Variants in MAPK8IP3 observed in about 807,000 individuals in gnomAD.
MAPK8IP3 encodes the protein C-Jun-amino-terminal kinase-interacting protein 3.
In MAPK8IP3, 49 loss-of-function variants were observed where a neutral mutation model predicts 157.8. That is an observed-to-expected ratio of 0.31 (90% confidence interval 0.25 to 0.39). MAPK8IP3 has a LOEUF of 0.39. MAPK8IP3 is among the 10% of genes least tolerant of loss of function. The pLI, the probability that MAPK8IP3 is intolerant of heterozygous loss-of-function variation, is 1.00. For missense variants in MAPK8IP3, 1,478 were observed against 1,889.4 expected (o/e 0.78, Z 4.04); for synonymous variants, 897 against 777.7 (o/e 1.15, Z -2.55).
In MAPK8IP3 at chr16:1,764,223, G is replaced by A. The variant is rs1196224762; in HGVS notation, c.2121+13G>A. On this transcript the variant is annotated intron_variant, in intron 18 of 31. Coordinates refer to ENST00000610761, the MANE Select transcript of MAPK8IP3 (RefSeq NM_001318852.2). Reference sequence around the variant, plus strand: ...CCCCACCATGAAGGTGAGCCCGCGAGGACCCCGCTCAGGCTGGCTGGGCGA... The same window carrying A: ...CCCCACCATGAAGGTGAGCCCGCGAAGACCCCGCTCAGGCTGGCTGGGCGA... 3 of 1,608,476 alleles carry A rather than the reference G, an allele frequency of 1.9e-6. No individual in the cohort carries two copies. The highest frequency in any genetic ancestry group is 1.7e-5 in the Admixed American group (1 of 59,824).
At chr16:1,713,808 G>A (rs1184392906) in intron 1 of MAPK8IP3, 3 of 152,148 alleles carry the variant, frequency 2.0e-5, no homozygotes, top group African/African-American at 7.2e-5. Flanking sequence ...CAATTTTATT[G>A]CAGTATCATT....
At position 1,706,693 on chromosome 16, in the gene MAPK8IP3, C is replaced by G. The variant is rs1162100075; in HGVS notation, c.318+36C>G. 1 of 1,506,048 alleles carries G rather than the reference C, an allele frequency of 6.6e-7. No homozygotes were observed. The highest frequency in any genetic ancestry group is 8.9e-7 in the Non-Finnish European group (1 of 1,128,352). The allele number at this position is 1,506,048 out of a possible 1,614,324, so 93.3% of individuals were successfully genotyped here. A position where few individuals can be genotyped will look rare whatever the true frequency, so the allele number is the denominator to read the frequency against. On this transcript the variant is annotated intron_variant, in intron 1 of 31. Transcript: ENST00000610761. This position sits in a 1 kb window ranked among gnomAD's most constrained non-coding sequence, Gnocchi z 5.1. ...CGCGGGACCCGCCCGCATCCCCGTC[C>G]CGGACCCCCAGCCAGCCCCGGGCCC...
intron 4 of MAPK8IP3, among the ~76,000 whole-genome samples, chr16:1,736,843 ACCGT>A (rs1422598634): frequency 2.0e-4 from 10 of 49,812 alleles, no homozygotes; most frequent in South Asian, 1.3e-3. Flanking sequence ...TGAGCGTGTG[ACCGT>A]CCGTGTGTGA....
chr16:1,737,854 C>A (rs1360006537), intron 4 of MAPK8IP3, among the ~76,000 whole-genome samples: 1 of 86,016 alleles, frequency 1.2e-5, no homozygotes, highest in Non-Finnish European at 2.2e-5. Flanking sequence ...GTGTGACCAT[C>A]CATGTGAGCA....
Position 1,761,253 on chromosome 16 carries a change from G to A in MAPK8IP3, c.1487G>A (p.Arg496His), listed in dbSNP as rs571236936. The A allele has an allele frequency of 1.9e-6, 3 of 1,613,796 alleles. No homozygotes were observed. The highest frequency in any genetic ancestry group is 2.2e-5 in the South Asian group (2 of 91,088). The change falls in exon 13 of 32, where the codon CGT (arginine) becomes CAT (histidine). Residue 496 changes from arginine (R) to histidine (H), a missense_variant. Arg to His is a conservative substitution (Grantham distance 29). Coordinates refer to ENST00000610761, the MANE Select transcript of MAPK8IP3 (RefSeq NM_001318852.2). ...AAGTCCGAGGCCATCATCGCCCGCC[G>A]TGAACCCAAAGAAGAGGCGGAGGAT... ...RVKSEAIIAR[R>H]EPKEEAEDVS...
At chr16:1,753,377 C>T (rs1416799280) in intron 8 of MAPK8IP3, among the ~76,000 whole-genome samples, 1 of 152,118 alleles carries the variant, frequency 6.6e-6, no homozygotes. Flanking sequence ...ACTTTGGCCT[C>T]CCAAATCACA....
chr16:1,732,766 G>A (rs531724174), intron 4 of MAPK8IP3, among the ~76,000 whole-genome samples: 13 of 151,874 alleles, frequency 8.6e-5, no homozygotes, highest in African/African-American at 2.7e-4. Context: ...AGCTTGCCCC[G>A]AGAACGGGTG....
At chr16:1,715,451 G>A (rs1181451060) in intron 1 of MAPK8IP3, among the ~76,000 whole-genome samples, 1 of 152,140 alleles carries the variant, frequency 6.6e-6, no homozygotes, top group African/African-American at 2.4e-5. Context: ...ACAGCCATGC[G>A]AGGTCCCTGC....
At chr16:1,726,009 A>G (rs570643962) in intron 2 of MAPK8IP3, among the ~76,000 whole-genome samples, 22 of 152,350 alleles carry the variant, frequency 1.4e-4, no homozygotes, top group African/African-American at 4.3e-4. Context: ...ATTGAAACCA[A>G]TCGGCTGCGG....
Position 1,724,523 on chromosome 16 carries a change from T to C in MAPK8IP3, c.319-34T>C. ...AAGGCGGCTGCTCCACACTCACTCC[T>C]GATGACTGCTCTTTCCCTCCCTTCC... is the stretch of plus-strand genomic sequence containing the variant. On this transcript the variant is annotated intron_variant, in intron 1 of 31. Transcript: ENST00000610761. This position sits in a 1 kb window ranked among gnomAD's most constrained non-coding sequence, Gnocchi z 4.1. 1.2e-6 allele frequency: 2 copies of C among 1,609,340 alleles called. No homozygotes were observed. Among genetic ancestry groups the C allele is most frequent in the Non-Finnish European group, 1.7e-6 (2 of 1,178,538 alleles).
intron 6 of MAPK8IP3, 33 bp from the exon 7 acceptor site, chr16:1,748,211 C>G: frequency 6.4e-7 from 1 of 1,554,334 alleles, no homozygotes; most frequent in Non-Finnish European, 8.9e-7. Flanking sequence ...CAGACCCTCT[C>G]CTGACCCCAG....
chr16:1,744,806 C>T (rs1043664111), intron 5 of MAPK8IP3: 11 of 985,236 alleles, frequency 1.1e-5, no homozygotes, highest in African/African-American at 3.5e-5. Context: ...TAAATTGTAG[C>T]GTTTTATGTT....
At chr16:1,749,871 G>A (rs2041191119) in intron 8 of MAPK8IP3, among the ~76,000 whole-genome samples, 1 of 152,218 alleles carries the variant, frequency 6.6e-6, no homozygotes, top group Non-Finnish European at 1.5e-5. Context: ...CTGACAGGGA[G>A]GCCTGTCTCA....
Position 1,764,474 on chromosome 16 carries a change from G to A in MAPK8IP3, c.2280+15G>A. 1 of 1,605,990 alleles carries A rather than the reference G, an allele frequency of 6.2e-7. No homozygotes were observed. Among genetic ancestry groups the A allele is most frequent in the East Asian group, 2.2e-5 (1 of 44,686 alleles). ...AGAAGAAGAAGGTGAGCATGGCCGA[G>A]GCCACCGGGCACCCTCCCTGGCTTA... On this transcript the variant is annotated intron_variant, in intron 19 of 31. Coordinates refer to ENST00000610761, the MANE Select transcript of MAPK8IP3 (RefSeq NM_001318852.2).
chr16:1,766,696 C>T (rs753058475), intron 23 of MAPK8IP3, 27 bp from the exon 24 acceptor site: 25 of 1,612,526 alleles, frequency 1.6e-5, no homozygotes, highest in East Asian at 2.2e-5. Context: ...GGGTGAGCCC[C>T]TCGCCCATCG....
intron 4 of MAPK8IP3, among the ~76,000 whole-genome samples, chr16:1,734,575 CCT>C (rs1021544253): frequency 2.0e-5 from 3 of 152,252 alleles, no homozygotes. Context: ...GCCCCCCTCC[CCT>C]GTCCCGAGTG....
intron 1 of MAPK8IP3, among the ~76,000 whole-genome samples, chr16:1,708,625 T>C (rs112329862): frequency 2.9e-4 from 44 of 152,348 alleles, no homozygotes; most frequent in African/African-American, 1.0e-3. Context: ...CCAGGGCTCC[T>C]GCTGAACCAA....
rs1306450018 is a variant in MAPK8IP3 at position 1,767,603 on chromosome 16, C to T, written c.3277C>T (p.Arg1093Trp). 1 of 1,612,430 alleles carries T rather than the reference C, an allele frequency of 6.2e-7. No individual in the cohort carries two copies. The highest frequency in any genetic ancestry group is 8.5e-7 in the Non-Finnish European group (1 of 1,179,912). ...DAHPRRESQV[R>W]QLAWIGDGVW... is the part of the protein sequence containing the mutation. Reference sequence around the variant, plus strand: ...CCACCCGCGGCGGGAGAGCCAGGTGCGGCAGCTGGCGTGGATCGGCGATGG... The same window carrying T: ...CCACCCGCGGCGGGAGAGCCAGGTGTGGCAGCTGGCGTGGATCGGCGATGG... Residue 1093 changes from arginine to tryptophan, a missense_variant, in exon 27 of 32, where the codon CGG becomes TGG. Arg to Trp is a moderately radical substitution (Grantham distance 101). Transcript: ENST00000610761.
chr16:1,737,275 C>T (rs1236316823), intron 4 of MAPK8IP3, among the ~76,000 whole-genome samples: 2 of 88,408 alleles, frequency 2.3e-5, no homozygotes, highest in Admixed American at 1.3e-4. Flanking sequence ...AGCGTGTGAG[C>T]GTCCGTGTGA....
Sources: allele counts gnomAD v4.1 joint callset (sites outside exome capture counted in the v4.1 genomes callset), GRCh38; gene constraint gnomAD v4.1.1; non-coding constraint Gnocchi (gnomAD v3.1); transcripts MANE v1.5; gene names NCBI Gene and HGNC (gene_info 2026-07-23, HGNC 2026-07-21).